The following DAB1 variants were observed in gnomAD, a reference collection of about 807,000 sequenced individuals.
DAB1 encodes disabled homolog 1.
In DAB1, 15 loss-of-function variants were observed where a neutral mutation model predicts 64.6. The observed-to-expected ratio is 0.23, with a 90% confidence interval of 0.16 to 0.36. DAB1 has a LOEUF of 0.36. Among genes scored for constraint, DAB1 ranks in the 10% least tolerant of loss-of-function variants. DAB1 has a pLI of 1.00. For synonymous variants in DAB1, 235 were observed against 251.9 expected (o/e 0.93, Z 0.64); for missense variants, 596 against 706.7 (o/e 0.84, Z 1.78).
At chr1:58,454,369 C>T (rs1645169972) in intron 3 of DAB1, among the ~76,000 whole-genome samples, 1 of 152,152 alleles carries the variant, frequency 6.6e-6, no homozygotes, top group South Asian at 2.1e-4. Flanking sequence ...ATCTTCAGAC[C>T]CATTCAGGTG....
intron 4 of DAB1, among the ~76,000 whole-genome samples, chr1:57,105,496 G>A (rs945059575): frequency 6.6e-6 from 1 of 152,038 alleles, no homozygotes; most frequent in African/African-American, 2.4e-5. Context: ...GTCACATTGT[G>A]TTATTACAAT....
At chr1:58,493,979 A>C (rs76966308) in intron 3 of DAB1, among the ~76,000 whole-genome samples, 2,208 of 116,000 alleles carry the variant, frequency 0.019, 252 homozygotes, top group Middle Eastern at 0.027. Context: ...AAGCAAAAAG[A>C]ACAAAGCTGG....
chr1:58,543,651 T>C lies in DAB1; in HGVS notation n.32+3052A>G, dbSNP rs76944512. ...CGACAATTAACATACAGTCCTACCC[T>C]GGTAAATACCAGGTAATCATTTAAA... On this transcript the variant is annotated intron_variant and non_coding_transcript_variant, in intron 1 of 20. Transcript: ENST00000485760. 8.3e-3 allele frequency among the ~76,000 whole-genome samples: 1,261 copies of C among 152,312 alleles called. 16 individuals are homozygous for C. Among genetic ancestry groups the C allele is most frequent in the African/African-American group, 0.028 (1,178 of 41,568 alleles).
At chr1:57,217,140 A>G (rs1484288930) in intron 2 of DAB1, among the ~76,000 whole-genome samples, 1 of 152,212 alleles carries the variant, frequency 6.6e-6, no homozygotes, top group Non-Finnish European at 1.5e-5. Flanking sequence ...ACTGCCTAAG[A>G]AAATAAATTA....
intron 7 of DAB1, among the ~76,000 whole-genome samples, chr1:57,522,807 A>G (rs1201086155): frequency 6.6e-6 from 1 of 152,224 alleles, no homozygotes; most frequent in Non-Finnish European, 1.5e-5. Context: ...TGAAGCTAGA[A>G]TAAAGCAGGC....
At chr1:58,310,349 G>A (rs1662398451) in intron 4 of DAB1, among the ~76,000 whole-genome samples, 1 of 152,190 alleles carries the variant, frequency 6.6e-6, no homozygotes, top group Non-Finnish European at 1.5e-5. Flanking sequence ...AAGCTGAAAT[G>A]TAATGGAAGA....
At chr1:58,486,386 C>T (rs111381305) in intron 3 of DAB1, among the ~76,000 whole-genome samples, 7 of 152,302 alleles carry the variant, frequency 4.6e-5, no homozygotes, top group African/African-American at 1.7e-4. Context: ...ATTACTATTT[C>T]CTGCGACCAT....
intron 5 of DAB1, among the ~76,000 whole-genome samples, chr1:58,149,188 T>G (rs1184202865): frequency 6.6e-6 from 1 of 152,170 alleles, no homozygotes; most frequent in Admixed American, 6.5e-5. Flanking sequence ...GATCAGCAGA[T>G]AGTAAGAACA....
At chr1:57,773,207 C>A (rs532209529) in intron 6 of DAB1, among the ~76,000 whole-genome samples, 1 of 151,940 alleles carries the variant, frequency 6.6e-6, no homozygotes, top group Admixed American at 6.6e-5. Flanking sequence ...ATAAGAGCCC[C>A]AGGAAATTAA....
rs1344794918 is a variant in DAB1, at chr1:56,997,864, A to T, written c.*280T>A. ...TATTTGTTGGGTAAGCATTTGCTTG[A>T]TTTCTGATTTAATGTTGGGTGGATC... On this transcript the variant is annotated 3_prime_UTR_variant, in exon 15 of 15. Transcript: ENST00000371236. The T allele has an allele frequency of 6.6e-6, 1 of 152,190 alleles. No homozygotes were observed. The highest frequency in any genetic ancestry group is 1.5e-5 in the Non-Finnish European group (1 of 68,024). 9.4% of individuals were successfully genotyped at this position (152,190 alleles called of 1,614,324 possible).
intron 1 of DAB1, among the ~76,000 whole-genome samples, chr1:57,380,668 T>C (rs1403354459): frequency 2.6e-5 from 4 of 152,198 alleles, no homozygotes; most frequent in African/African-American, 9.7e-5. Flanking sequence ...CTTACAGGGC[T>C]AGGTCCAGTG....
At chr1:58,274,928 C>T (rs1461357807) in intron 4 of DAB1, among the ~76,000 whole-genome samples, 2 of 149,734 alleles carry the variant, frequency 1.3e-5, no homozygotes, top group East Asian at 3.9e-4. Context: ...TGAGAGAAAC[C>T]CGGTACCTCA....
At chr1:58,288,153 G>T (rs1270074337) in intron 4 of DAB1, among the ~76,000 whole-genome samples, 1 of 150,236 alleles carries the variant, frequency 6.7e-6, no homozygotes, top group African/African-American at 2.5e-5. Flanking sequence ...TATACACAAA[G>T]AACAAATATT....
At chr1:58,227,946 A>G (rs1310286985) in intron 4 of DAB1, among the ~76,000 whole-genome samples, 5 of 152,182 alleles carry the variant, frequency 3.3e-5, no homozygotes, top group African/African-American at 1.2e-4. Context: ...TGAGGCTGTA[A>G]ATTTGGAGAT....
intron 2 of DAB1, among the ~76,000 whole-genome samples, chr1:57,147,280 G>A (rs888991242): frequency 6.6e-6 from 1 of 151,936 alleles, no homozygotes; most frequent in Non-Finnish European, 1.5e-5. Context: ...GCCTCCCCAA[G>A]TGCAGGGATT....
intron 1 of DAB1, among the ~76,000 whole-genome samples, chr1:57,297,933 C>T (rs759455938): frequency 2.6e-5 from 4 of 152,100 alleles, no homozygotes; most frequent in Non-Finnish European, 2.9e-5. Context: ...CAAATTTGCA[C>T]GGAACAGGGT....
chr1:57,768,910 A>T (rs1356725687), intron 6 of DAB1, among the ~76,000 whole-genome samples: 1 of 152,078 alleles, frequency 6.6e-6, no homozygotes, highest in Non-Finnish European at 1.5e-5. Flanking sequence ...TTCATTAGAT[A>T]TTTCTCTTTT....
intron 3 of DAB1, among the ~76,000 whole-genome samples, chr1:58,492,029 A>G (rs1434042532): frequency 6.6e-6 from 1 of 152,242 alleles, no homozygotes; most frequent in Non-Finnish European, 1.5e-5. Flanking sequence ...AGCACTCCTC[A>G]GCAAATTAAA....
At chr1:57,084,522 T>C (rs1224700606) in intron 4 of DAB1, among the ~76,000 whole-genome samples, 1 of 152,244 alleles carries the variant, frequency 6.6e-6, no homozygotes. Flanking sequence ...TTCTTATTTT[T>C]ATCTTCAGGT....
Sources: allele counts gnomAD v4.1 joint callset (sites outside exome capture counted in the v4.1 genomes callset), GRCh38; gene constraint gnomAD v4.1.1; transcripts MANE v1.5; gene names NCBI Gene and HGNC (gene_info 2026-07-23, HGNC 2026-07-21).